The following PAH variants were observed in gnomAD, a reference collection of about 807,000 sequenced individuals.
PAH encodes the protein phenylalanine-4-hydroxylase.
In PAH, 64 loss-of-function variants were observed where a neutral mutation model predicts 62.0. The observed-to-expected ratio is 1.03, with a 90% CI of 0.84 to 1.27. The LOEUF is 1.27. PAH is among the 50% of genes most tolerant of loss of function. The pLI is 0.00. For missense variants in PAH, 579 were observed against 542.8 expected (o/e 1.07, Z -0.66); for synonymous variants, 195 against 196.2 (o/e 0.99, Z 0.05).
rs776378866 is a variant in PAH at position 102,894,832 on chromosome 12, T to C, written c.255A>G (p.Lys85=). The change falls in exon 3 of 13, where the codon AAA becomes AAG. Residue 85 remains lysine, a synonymous_variant. Transcript: ENST00000553106. ...DEYEFFTHLD[K]RSLPALTNII... ...TGTTTGTCAGAGCAGGCAGGCTACG[T>C]TTATCCAAATGGGTGAAAAATTCAT... 6.2e-7 allele frequency: 1 copy of C among 1,613,884 alleles called. No homozygotes were observed. Among genetic ancestry groups the C allele is most frequent in the South Asian group, 1.1e-5 (1 of 91,070 alleles).
rs1874403098 is a variant in PAH at position 102,837,284 on chromosome 12, GA to G, written c.*1890del. The G allele has an allele frequency of 6.6e-6, 1 of 151,998 alleles. No homozygotes were observed. Among genetic ancestry groups the G allele is most frequent in the Non-Finnish European group, 1.5e-5 (1 of 68,008 alleles). The allele number at this position is 151,998 out of a possible 1,614,324, so 9.4% of individuals were successfully genotyped here. On this transcript the variant is annotated 3_prime_UTR_variant, in exon 13 of 13. Coordinates refer to ENST00000553106, the MANE Select transcript of PAH (RefSeq NM_000277.3). ...TTCCTGTGAAAATCATAACTTAACC[GA>G]AACTTTACCTTCAAGCTCATTAAAA...
chr12:102,902,115 T>C (rs1033699908), intron 2 of PAH, among the ~76,000 whole-genome samples: 4 of 152,118 alleles, frequency 2.6e-5, no homozygotes, highest in South Asian at 2.1e-4. Flanking sequence ...AATAAACAGG[T>C]AACCTTTAAG....
intron 3 of PAH, among the ~76,000 whole-genome samples, chr12:102,878,962 A>C (rs1876695547): frequency 6.6e-6 from 1 of 152,168 alleles, no homozygotes; most frequent in Non-Finnish European, 1.5e-5. Context: ...CAGAGAGCCA[A>C]AATAGACGTG....
At position 102,894,855 on chromosome 12, in the gene PAH, C is replaced by T. The variant is rs62507326; in HGVS notation, c.232G>A (p.Glu78Lys). 1 of 1,613,748 alleles carries T rather than the reference C, an allele frequency of 6.2e-7. No individual in the cohort carries two copies. Among genetic ancestry groups the T allele is most frequent in the Non-Finnish European group, 8.5e-7 (1 of 1,179,746 alleles). The change falls in exon 3 of 13, where the codon GAA becomes AAA. Residue 78 changes from glutamate to lysine, a missense_variant. Glu to Lys is a moderately conservative substitution (Grantham distance 56). Coordinates refer to ENST00000553106, the MANE Select transcript of PAH (RefSeq NM_000277.3). Reference sequence around the variant, plus strand: ...CGTTTATCCAAATGGGTGAAAAATTCATACTCATCTTTCTTTAAACGAGAA... The same window carrying T: ...CGTTTATCCAAATGGGTGAAAAATTTATACTCATCTTTCTTTAAACGAGAA... The part of the protein sequence containing the change: ...RPSRLKKDEY[E>K]FFTHLDKRSL...
In PAH at chr12:102,881,101, C is replaced by A. The variant is rs190345800; in HGVS notation, c.353-3551G>T. Among the ~76,000 whole-genome samples the A allele has an allele frequency of 3.8e-3, 574 of 151,076 alleles. 5 individuals carry two copies. Among genetic ancestry groups the A allele is most frequent in the African/African-American group, 0.013 (547 of 41,364 alleles). On this transcript the variant is annotated intron_variant, in intron 3 of 12. Coordinates refer to ENST00000553106, the MANE Select transcript of PAH (RefSeq NM_000277.3). The stretch of plus-strand genomic sequence containing the variant: ...TTGTCTCGGCTCACTGCAACCTACG[C>A]CTCCCGGGTTCAAGCAATTTTCCTG...
In PAH at chr12:102,894,771, C is replaced by T. The variant is rs1877424740; in HGVS notation, c.316G>A (p.Val106Ile). Residue 106 changes from valine (V) to isoleucine (I), a missense_variant, in exon 3 of 13, where the codon GTC becomes ATC. Transcript: ENST00000553106. ...KILRHDIGAT[V>I]HELSRDKKKD... ...TTCTTATCTCGTGAAAGCTCATGGA[C>T]AGTGGCACCAATGTCATGCCTCAAG... 3.7e-6 allele frequency: 6 copies of T among 1,614,128 alleles called. No individual in the cohort carries two copies. The East Asian group carries it at 1.3e-4, about 36-fold the overall frequency.
intron 4 of PAH, among the ~76,000 whole-genome samples, chr12:102,869,495 G>C (rs1453394443): frequency 2.0e-5 from 3 of 151,930 alleles, no homozygotes; most frequent in Non-Finnish European, 4.4e-5. Flanking sequence ...GTTTCTTTTA[G>C]AATAAAAAAA....
In PAH at chr12:102,956,366, C is replaced by A. The variant is rs148789350; in HGVS notation, c.-96+1829G>T. ...GCTGGACGGGGTTCTGGCCAGAGAG[C>A]GCCAGGGCCGAAGGCCCAGGAAGGA... On this transcript the variant is annotated intron_variant, in intron 1 of 4. Coordinates refer to the PAH transcript ENST00000551337. 4.1e-3 allele frequency among the ~76,000 whole-genome samples: 618 copies of A among 152,338 alleles called. 2 individuals carry two copies. The highest frequency in any genetic ancestry group is 0.014 in the African/African-American group (578 of 41,596).
intron 1 of PAH, among the ~76,000 whole-genome samples, chr12:102,932,148 C>T (rs1878902674): frequency 3.9e-5 from 6 of 152,112 alleles, no homozygotes; most frequent in Admixed American, 3.9e-4. Flanking sequence ...CCAGGCCATC[C>T]CAACCAAACC....
intron 3 of PAH, among the ~76,000 whole-genome samples, chr12:102,893,338 T>G (rs1264487972): frequency 6.6e-6 from 1 of 152,030 alleles, no homozygotes; most frequent in Non-Finnish European, 1.5e-5. Flanking sequence ...AGGCAGAGGT[T>G]GCAGTGAGCT....
intron 5 of PAH, among the ~76,000 whole-genome samples, chr12:102,859,502 C>A (rs1875612863): frequency 6.6e-6 from 1 of 152,174 alleles, no homozygotes; most frequent in Non-Finnish European, 1.5e-5. Context: ...GATACCAAAG[C>A]CTGGCAGAGA....
At chr12:102,929,095 A>G (rs1878769962) in intron 1 of PAH, among the ~76,000 whole-genome samples, 1 of 152,128 alleles carries the variant, frequency 6.6e-6, no homozygotes, top group South Asian at 2.1e-4. Flanking sequence ...CCACCATGTG[A>G]AAAAGGATGT....
intron 1 of PAH, among the ~76,000 whole-genome samples, chr12:102,914,137 T>C (rs926507420): frequency 6.6e-6 from 1 of 152,044 alleles, no homozygotes; most frequent in Admixed American, 6.5e-5. Flanking sequence ...TGCCAAAACA[T>C]CCCATGAAAC....
intron 1 of PAH, among the ~76,000 whole-genome samples, chr12:102,925,135 C>T (rs1878653181): frequency 6.6e-6 from 1 of 152,106 alleles, no homozygotes; most frequent in Non-Finnish European, 1.5e-5. Context: ...AGTGTAACTA[C>T]AGGTCTAATA....
intron 3 of PAH, among the ~76,000 whole-genome samples, chr12:102,884,885 A>G (rs1876965623): frequency 6.6e-6 from 1 of 152,190 alleles, no homozygotes; most frequent in Non-Finnish European, 1.5e-5. Context: ...ATCTCCTTTA[A>G]TTCGCAAAAC....
chr12:102,854,933 T>C, intron 6 of PAH: 1 of 641,228 alleles, frequency 1.6e-6, no homozygotes, highest in South Asian at 1.7e-5. Flanking sequence ...TTTGATTGAA[T>C]GAAAGTGGAT....
chr12:102,865,330 C>A (rs1875910810), intron 5 of PAH, among the ~76,000 whole-genome samples: 1 of 152,098 alleles, frequency 6.6e-6, no homozygotes, highest in African/African-American at 2.4e-5. Context: ...TAAAAATACC[C>A]TTAGAATTCA....
upstream of PAH, among the ~76,000 whole-genome samples, chr12:102,955,700 G>C (rs2136782035): frequency 6.6e-6 from 1 of 152,280 alleles, no homozygotes. Context: ...CCCAGGCTGT[G>C]TTGTGACTCT....
chr12:102,883,172 G>A (rs12299182), intron 3 of PAH, among the ~76,000 whole-genome samples: 14,535 of 152,214 alleles, frequency 0.095, 2,287 homozygotes, highest in African/African-American at 0.33. Flanking sequence ...AAGGGCTGAG[G>A]CTGGCCAGAT....
Sources: gnomAD v4.1 joint callset for allele counts (sites outside exome capture counted in the v4.1 genomes callset) on GRCh38, gnomAD v4.1.1 for gene constraint, MANE v1.5 for transcripts, NCBI Gene and HGNC (gene_info 2026-07-23, HGNC 2026-07-21) for gene names.